ANXA8: variants seen among roughly 807,000 people sequenced by gnomAD.
ANXA8 encodes the protein annexin A8.
A neutral mutation model predicts 26.8 loss-of-function variants in ANXA8; 9 were observed. The ratio of observed to expected loss-of-function variants is 0.34; its 90% CI spans 0.20 to 0.59. ANXA8 has a LOEUF of 0.59. ANXA8 is among the 20% of genes least tolerant of loss of function. ANXA8 has a pLI of 0.84. For synonymous variants in ANXA8, 39 were observed against 94.8 expected, an observed-to-expected ratio of 0.41 and a Z score of 3.42; for missense variants, 83 against 238.5, an observed-to-expected ratio of 0.35 and a Z score of 4.29.
At chr10:47,743,160 G>A in the ANXA8 span, among the ~76,000 whole-genome samples, 3 of 109,942 alleles carry the variant, frequency 2.7e-5, no homozygotes, top group African/African-American at 1.1e-4. Context: ...GACAGAGCAA[G>A]ACTCTGTCTC....
At chr10:47,513,086 A>G in the ANXA8 span, among the ~76,000 whole-genome samples, 1 of 143,646 alleles carries the variant, frequency 7.0e-6, no homozygotes, top group Non-Finnish European at 1.5e-5. Context: ...AGGCTGGAGT[A>G]TGCAATGCGG....
the ANXA8 span, among the ~76,000 whole-genome samples, chr10:47,768,839 C>T: frequency 7.3e-5 from 11 of 151,542 alleles, no homozygotes; most frequent in Non-Finnish European, 1.0e-4. Flanking sequence ...GGGAAGCAGC[C>T]GGGCTCCCTC....
chr10:47,644,536 C>T, the ANXA8 span, among the ~76,000 whole-genome samples: 139 of 152,164 alleles, frequency 9.1e-4, 1 homozygote, highest in Admixed American at 9.0e-3. Context: ...TTTGCCAACC[C>T]TTGGTTGACA....
the ANXA8 span, among the ~76,000 whole-genome samples, chr10:47,597,665 G>GGAA: frequency 1.0e-4 from 12 of 114,402 alleles, no homozygotes; most frequent in African/African-American, 4.3e-4. Flanking sequence ...AAGAGCCACA[G>GGAA]AAAAAAAAAA....
chr10:47,733,198 TTTCTTTCTTTCTTTC>T, the ANXA8 span, among the ~76,000 whole-genome samples: 16 of 112,030 alleles, frequency 1.4e-4, no homozygotes, highest in South Asian at 6.7e-4. Flanking sequence ...TCTTTCTTTC[TTTCTTTCTTTCTTTC>T]TTTCTTTCTC....
chr10:47,775,441 T>C, the ANXA8 span, among the ~76,000 whole-genome samples: 1 of 147,556 alleles, frequency 6.8e-6, no homozygotes, highest in Non-Finnish European at 1.5e-5. Context: ...CCTTGTTCCT[T>C]AAACTCTTGT....
chr10:47,627,100 T>C, the ANXA8 span, among the ~76,000 whole-genome samples: 1 of 149,628 alleles, frequency 6.7e-6, no homozygotes. Flanking sequence ...ATAGAATTCA[T>C]TGTTAAAACT....
At chr10:47,946,143 C>T in the ANXA8 span, among the ~76,000 whole-genome samples, 1 of 149,216 alleles carries the variant, frequency 6.7e-6, no homozygotes, top group African/African-American at 2.5e-5. Context: ...GTACTGTGCT[C>T]ACTTTATGGA....
At chr10:47,658,143 G>A in the ANXA8 span, among the ~76,000 whole-genome samples, 2 of 152,008 alleles carry the variant, frequency 1.3e-5, 1 homozygote, top group African/African-American at 4.8e-5. Flanking sequence ...GCTGAGGCGG[G>A]TGGATCACGA....
the ANXA8 span, among the ~76,000 whole-genome samples, chr10:47,666,783 A>T: frequency 6.6e-6 from 1 of 151,962 alleles, no homozygotes. Context: ...TAAAACAAAC[A>T]GTAATTCTCA....
At chr10:47,937,158 C>G in the ANXA8 span, among the ~76,000 whole-genome samples, 1 of 149,896 alleles carries the variant, frequency 6.7e-6, no homozygotes, top group African/African-American at 2.4e-5. Context: ...TGCCCCCCAC[C>G]ACCCAGAAGC....
chr10:47,942,391 C>T, the ANXA8 span, among the ~76,000 whole-genome samples: 3 of 144,028 alleles, frequency 2.1e-5, no homozygotes, highest in African/African-American at 8.2e-5. Flanking sequence ...TGCTGCTTCA[C>T]CTGCTCCCCC....
the ANXA8 span, among the ~76,000 whole-genome samples, chr10:47,586,263 C>T: frequency 6.9e-6 from 1 of 144,730 alleles, no homozygotes; most frequent in East Asian, 1.9e-4. Context: ...GTCAGATAAC[C>T]TTGGCCTGTG....
the ANXA8 span, among the ~76,000 whole-genome samples, chr10:47,566,545 C>T: frequency 1.3e-5 from 2 of 149,772 alleles, no homozygotes; most frequent in African/African-American, 4.9e-5. Context: ...AGCCCTCCAC[C>T]AGCTCTAGGC....
At chr10:47,559,318 G>C in the ANXA8 span, among the ~76,000 whole-genome samples, 1 of 151,164 alleles carries the variant, frequency 6.6e-6, no homozygotes, top group African/African-American at 2.4e-5. Context: ...GTAAAGATGG[G>C]GGTTTCACCA....
chr10:47,940,921 G>C, the ANXA8 span, among the ~76,000 whole-genome samples: 2 of 141,312 alleles, frequency 1.4e-5, no homozygotes, highest in Admixed American at 7.1e-5. Context: ...AGAGAAAGAG[G>C]GAGGGAGGAA....
the ANXA8 span, among the ~76,000 whole-genome samples, chr10:47,952,534 T>A: frequency 6.8e-6 from 1 of 148,134 alleles, no homozygotes; most frequent in Non-Finnish European, 1.5e-5. Context: ...ACTTACAAGA[T>A]GAGCAAAATC....
chr10:47,652,685 T>C, the ANXA8 span, among the ~76,000 whole-genome samples: 2 of 134,004 alleles, frequency 1.5e-5, no homozygotes, highest in Non-Finnish European at 3.1e-5. Context: ...TAACCTTTAG[T>C]TAACCCAGTT....
chr10:47,656,403 A>AC, the ANXA8 span, among the ~76,000 whole-genome samples: 5 of 148,664 alleles, frequency 3.4e-5, no homozygotes, highest in East Asian at 1.9e-4. Context: ...GTCTCAAAAA[A>AC]CCCAAAAAAA....
Sources: gnomAD v4.1 joint callset for allele counts (sites outside exome capture counted in the v4.1 genomes callset) on GRCh38, gnomAD v4.1.1 for gene constraint, MANE v1.5 for transcripts, NCBI Gene and HGNC (gene_info 2026-07-23, HGNC 2026-07-21) for gene names.